Variants in RHBDD1 observed in about 807,000 individuals in gnomAD.
The protein encoded by RHBDD1 is rhomboid domain containing 1, also known as rhomboid-related protein 4.
Under a neutral mutation model 36.3 loss-of-function variants are expected in RHBDD1, and 38 were observed. That is an observed-to-expected ratio of 1.05 (90% CI 0.81 to 1.37). The LOEUF is 1.37. Ranked by LOEUF, RHBDD1 falls within the 40% of genes most tolerant of loss-of-function variation. The pLI is 0.00. For synonymous variants in RHBDD1, 151 were observed against 136.5 expected, an observed-to-expected ratio of 1.11 and a Z score of -0.74; for missense variants, 393 against 377.6, an observed-to-expected ratio of 1.04 and a Z score of -0.34.
chr2:226,962,305 G>A (rs1952262480), intron 8 of RHBDD1, among the ~76,000 whole-genome samples: 1 of 152,182 alleles, frequency 6.6e-6, no homozygotes, highest in African/African-American at 2.4e-5. Context: ...ATTTAGAGTT[G>A]CTAATAAATG....
intron 8 of RHBDD1, among the ~76,000 whole-genome samples, chr2:226,945,866 G>A (rs1459404649): frequency 6.6e-6 from 1 of 152,014 alleles, no homozygotes; most frequent in Non-Finnish European, 1.5e-5. Context: ...GGCATGAGAC[G>A]GTATCTCATG....
At chr2:226,947,256 A>T (rs1037162806) in intron 8 of RHBDD1, among the ~76,000 whole-genome samples, 1 of 151,430 alleles carries the variant, frequency 6.6e-6, no homozygotes, top group Non-Finnish European at 1.5e-5. Flanking sequence ...TAAATCTTTA[A>T]TCCATCTTGA....
chr2:226,815,103 C>T, the RHBDD1 span, among the ~76,000 whole-genome samples: 2 of 152,240 alleles, frequency 1.3e-5, no homozygotes, highest in Non-Finnish European at 2.9e-5. Flanking sequence ...ATAGTGGATG[C>T]TCCATCCAAC....
At chr2:226,850,546 A>G (rs942602653) in intron 3 of RHBDD1, among the ~76,000 whole-genome samples, 1 of 152,128 alleles carries the variant, frequency 6.6e-6, no homozygotes, top group African/African-American at 2.4e-5. Context: ...AAGTACAGAG[A>G]GGAGCAAAAC....
At chr2:226,995,376 C>T in intron 8 of RHBDD1, 55 bp from the exon 9 acceptor site, 3 of 1,103,054 alleles carry the variant, frequency 2.7e-6, no homozygotes, top group South Asian at 1.3e-5. Context: ...TCCTAGGGTA[C>T]ACATGCCTTG....
the RHBDD1 span, among the ~76,000 whole-genome samples, chr2:226,820,082 G>C: frequency 6.7e-6 from 1 of 149,352 alleles, no homozygotes; most frequent in Non-Finnish European, 1.5e-5. Context: ...TAGGTTTCAA[G>C]TCTCTCCCAT....
At chr2:226,975,506 C>T (rs1008691321) in intron 8 of RHBDD1, among the ~76,000 whole-genome samples, 11 of 152,112 alleles carry the variant, frequency 7.2e-5, no homozygotes, top group African/African-American at 2.2e-4. Flanking sequence ...ATTTCCCCCT[C>T]GGGCCACCCA....
chr2:226,865,211 T>G, intron 4 of RHBDD1, 85 bp downstream of exon 4: 2 of 1,050,814 alleles, frequency 1.9e-6, no homozygotes, highest in Non-Finnish European at 2.8e-6. Flanking sequence ...TGTGGGTCCC[T>G]ATCAAATTCT....
chr2:226,942,877 G>C (rs552696316), intron 8 of RHBDD1, among the ~76,000 whole-genome samples: 1 of 152,320 alleles, frequency 6.6e-6, no homozygotes, highest in Non-Finnish European at 1.5e-5. Context: ...TGTGCCTTAA[G>C]ACATCACAAT....
At chr2:226,935,661 G>A (rs1027677658) in intron 8 of RHBDD1, among the ~76,000 whole-genome samples, 8 of 151,598 alleles carry the variant, frequency 5.3e-5, no homozygotes, top group Admixed American at 2.6e-4. Flanking sequence ...TGAAGGAATC[G>A]AATTGGTTAT....
At chr2:226,974,132 G>A (rs1173419997) in intron 8 of RHBDD1, among the ~76,000 whole-genome samples, 1 of 152,202 alleles carries the variant, frequency 6.6e-6, no homozygotes, top group Non-Finnish European at 1.5e-5. Flanking sequence ...GAAATAATTA[G>A]CATTCTGAGT....
At chr2:226,801,137 C>G in the RHBDD1 span, among the ~76,000 whole-genome samples, 13 of 152,210 alleles carry the variant, frequency 8.5e-5, no homozygotes, top group Non-Finnish European at 1.6e-4. Context: ...CCTCAGGCTC[C>G]CAGGCACTGC....
At chr2:226,971,042 CACTT>C (rs770123037) in intron 8 of RHBDD1, among the ~76,000 whole-genome samples, 7 of 152,184 alleles carry the variant, frequency 4.6e-5, no homozygotes, top group African/African-American at 7.2e-5. Context: ...ATTTCGTAGA[CACTT>C]AATTAAATGT....
intron 8 of RHBDD1, among the ~76,000 whole-genome samples, chr2:226,962,921 C>A (rs1472038021): frequency 6.6e-6 from 1 of 152,142 alleles, no homozygotes; most frequent in Non-Finnish European, 1.5e-5. Flanking sequence ...TTTTCAAGTG[C>A]TTTTGTTCTT....
chr2:226,895,951 G>C (rs1947065807), intron 5 of RHBDD1: 3 of 311,886 alleles, frequency 9.6e-6, no homozygotes, highest in Non-Finnish European at 9.3e-6. Flanking sequence ...TGGAAAATAA[G>C]AGGGATGTTA....
At position 226,838,786 on chromosome 2, in the gene RHBDD1, C is replaced by T. The variant is rs181398066; in HGVS notation, c.-309-623C>T. On this transcript the variant is annotated intron_variant, in intron 2 of 8. Coordinates refer to ENST00000392062, the MANE Select transcript of RHBDD1 (RefSeq NM_001167608.3). Reference sequence around the variant, plus strand: ...ATTATTGTGAATGAGAAAAAACAAACACTTGAAAAAAGTTGAAACTTTAAC... The same window carrying T: ...ATTATTGTGAATGAGAAAAAACAAATACTTGAAAAAAGTTGAAACTTTAAC... Among the ~76,000 whole-genome samples, 761 of 152,144 alleles carry T rather than the reference C, an allele frequency of 5.0e-3. 3 individuals are homozygous for T. The highest frequency in any genetic ancestry group is 8.9e-3 in the Non-Finnish European group (605 of 67,978).
At chr2:226,972,462 G>A (rs568959790) in intron 8 of RHBDD1, among the ~76,000 whole-genome samples, 1 of 152,276 alleles carries the variant, frequency 6.6e-6, no homozygotes, top group South Asian at 2.1e-4. Context: ...CCTGGAAAAA[G>A]GGGTCTGCCC....
Position 226,908,890 on chromosome 2 carries a change from A to G in RHBDD1, c.712+12A>G. 6.6e-7 allele frequency: 1 copy of G among 1,518,876 alleles called. No homozygotes were observed. The highest frequency in any genetic ancestry group is 9.1e-7 in the Non-Finnish European group (1 of 1,096,046). The allele number at this position is 1,518,876 out of a possible 1,614,324, so 94.1% of individuals were successfully genotyped here. A position where few individuals can be genotyped will look rare whatever the true frequency, so the allele number is the denominator to read the frequency against. ...CTTTAATAGTTCAGGTAGGCACTGT[A>G]TTTCATTTAATAAATTTTAACTTAT... On this transcript the variant is annotated intron_variant, in intron 7 of 8. Coordinates refer to ENST00000392062, the MANE Select transcript of RHBDD1 (RefSeq NM_001167608.3).
intron 6 of RHBDD1, 91 bp from the exon 7 acceptor site, chr2:226,908,731 G>A (rs1948267305): frequency 1.2e-6 from 1 of 858,810 alleles, no homozygotes; most frequent in Admixed American, 1.9e-5. Context: ...AATGACCTTG[G>A]GCTTTGTCCA....
Sources: allele counts gnomAD v4.1 joint callset (sites outside exome capture counted in the v4.1 genomes callset), GRCh38; gene constraint gnomAD v4.1.1; transcripts MANE v1.5; gene names NCBI Gene and HGNC (gene_info 2026-07-23, HGNC 2026-07-21).